SMG7: variants seen among roughly 807,000 people sequenced by gnomAD.
The protein encoded by SMG7 is nonsense-mediated mRNA decay factor SMG7.
Under a neutral mutation model 148.2 loss-of-function variants are expected in SMG7, and 34 were observed. That is an observed-to-expected ratio of 0.23 (90% CI 0.17 to 0.31). The LOEUF (loss-of-function observed/expected upper bound fraction) is 0.31, where lower values mean the gene tolerates loss of function less well. Among genes scored for constraint, SMG7 ranks in the 10% least tolerant of loss-of-function variants. The pLI, the probability that SMG7 is intolerant of heterozygous loss-of-function variation, is 1.00. For synonymous variants in SMG7, 492 were observed against 515.1 expected, an observed-to-expected ratio of 0.96 and a Z score of 0.61; for missense variants, 1,114 against 1,408.4, an observed-to-expected ratio of 0.79 and a Z score of 3.35.
chr1:183,539,416 ATGT>A (rs1281680112), intron 12 of SMG7, among the ~76,000 whole-genome samples: 1 of 152,104 alleles, frequency 6.6e-6, no homozygotes, highest in Admixed American at 6.5e-5. Context: ...ATGCCTCTGA[ATGT>A]TGTTGTTTTC....
Position 183,494,705 on chromosome 1 carries a change from A to G in SMG7, c.30-18132A>G, listed in dbSNP as rs190837543. On this transcript the variant is annotated intron_variant, in intron 1 of 22. Transcript: ENST00000688051. ...CCTAGTATTTTAAAGATGTTATTCT[A>G]TTATCTTCTGGCTTGTCTTTTTTCT... Among the ~76,000 whole-genome samples the G allele has an allele frequency of 1.2e-4, 14 of 118,686 alleles. 1 individual carries two copies. Among genetic ancestry groups the G allele is most frequent in the South Asian group, 5.2e-4 (2 of 3,838 alleles). The allele number at this position is 118,686 out of a possible 152,430, so 77.9% of individuals were successfully genotyped here.
At chr1:183,494,438 A>G (rs1257513373) in intron 1 of SMG7, among the ~76,000 whole-genome samples, 3 of 149,880 alleles carry the variant, frequency 2.0e-5, no homozygotes, top group African/African-American at 7.3e-5. Context: ...AAGTTATTTT[A>G]TATTTACTCA....
In SMG7 at chr1:183,536,048, A is replaced by G. The variant is rs765609181; in HGVS notation, c.1164-1097A>G. Among the ~76,000 whole-genome samples, 8 of 151,994 alleles carry G rather than the reference A, an allele frequency of 5.3e-5. No homozygotes were observed. The South Asian group carries it at 8.3e-4, about 16-fold the overall frequency. On this transcript the variant is annotated intron_variant, in intron 10 of 22. Coordinates refer to ENST00000688051, the MANE Select transcript of SMG7 (RefSeq NM_001375584.1). ...AACTGTCCCAAATAGTTAACTTACAATTTTCCGTAGTGTGATTATTTACGT... is the reference window on the plus strand; with the variant it reads ...AACTGTCCCAAATAGTTAACTTACAGTTTTCCGTAGTGTGATTATTTACGT...
In SMG7 at chr1:183,512,808, C is replaced by CTTTTTTTT. The variant is rs59379855; in HGVS notation, c.30-16_30-9dup. Reference sequence around the variant, plus strand: ...GCCTCGTTTGTTTCTAACTGATACTCTTTTTTTTTTTTTTTTTTTTCTATC... The same window carrying CTTTTTTTT: ...GCCTCGTTTGTTTCTAACTGATACTCTTTTTTTTTTTTTTTTTTTTTTTTTTTTCTATC... On this transcript the variant is annotated intron_variant, in intron 1 of 22. Transcript: ENST00000688051. 1.5e-4 allele frequency: 186 copies of CTTTTTTTT among 1,279,344 alleles called. 14 individuals carry two copies. The highest frequency in any genetic ancestry group is 6.4e-4 in the South Asian group (39 of 61,306). The allele number at this position is 1,279,344 out of a possible 1,614,324, so 79.2% of individuals were successfully genotyped here.
chr1:183,475,154 C>T (rs187474112), intron 1 of SMG7, among the ~76,000 whole-genome samples: 90 of 152,312 alleles, frequency 5.9e-4, no homozygotes, highest in African/African-American at 1.6e-3. Flanking sequence ...TGTCAGTATT[C>T]ATCTGTTCTT....
chr1:183,529,289 T>G, intron 7 of SMG7, 109 bp from the exon 8 acceptor site: 1 of 1,292,790 alleles, frequency 7.7e-7, no homozygotes, highest in Non-Finnish European at 1.1e-6. Context: ...GAAAAATCAG[T>G]CAAATACAGC....
intron 17 of SMG7, among the ~76,000 whole-genome samples, 185 bp from the exon 18 acceptor site, chr1:183,546,918 T>C (rs1471382888): frequency 6.6e-6 from 1 of 152,230 alleles, no homozygotes; most frequent in Non-Finnish European, 1.5e-5. Flanking sequence ...TGTCTTGAAC[T>C]TTCTCCATTA....
At chr1:183,477,548 A>T (rs1195103823) in intron 1 of SMG7, among the ~76,000 whole-genome samples, 1 of 147,338 alleles carries the variant, frequency 6.8e-6, no homozygotes, top group Non-Finnish European at 1.5e-5. Context: ...ATATGCATAT[A>T]TACGTGTGTG....
chr1:183,492,332 A>G (rs1213941652), intron 1 of SMG7, among the ~76,000 whole-genome samples: 1 of 152,206 alleles, frequency 6.6e-6, no homozygotes, highest in Non-Finnish European at 1.5e-5. Flanking sequence ...TATATTGGCT[A>G]TACATGTAAA....
intron 13 of SMG7, 81 bp from the exon 14 acceptor site, chr1:183,541,995 T>A: frequency 8.6e-7 from 1 of 1,167,962 alleles, no homozygotes; most frequent in Non-Finnish European, 1.2e-6. Context: ...TAGGAATATA[T>A]TGACTTGGAT....
intron 18 of SMG7, among the ~76,000 whole-genome samples, chr1:183,548,205 AG>A (rs35394608): frequency 6.6e-6 from 1 of 152,164 alleles, no homozygotes; most frequent in Non-Finnish European, 1.5e-5. Flanking sequence ...TAGTAGCAGT[AG>A]GGGCCCCATA....
intron 1 of SMG7, 178 bp downstream of exon 1, chr1:183,472,827 C>T (rs1651019981): frequency 6.4e-6 from 3 of 470,624 alleles, no homozygotes; most frequent in Non-Finnish European, 6.9e-6. Context: ...GTATGGGTGC[C>T]TAGCCCCTAC....
At chr1:183,542,893 GT>G (rs3835736) in intron 14 of SMG7, among the ~76,000 whole-genome samples, 117 of 139,328 alleles carry the variant, frequency 8.4e-4, no homozygotes, top group African/African-American at 2.5e-3. Flanking sequence ...GGCTTATGCA[GT>G]TTTTTTTTTT....
chr1:183,480,341 CCCTAA>C (rs1653755923), intron 1 of SMG7, among the ~76,000 whole-genome samples: 1 of 152,062 alleles, frequency 6.6e-6, no homozygotes, highest in Admixed American at 6.5e-5. Context: ...TTCAAGTTTG[CCCTAA>C]CCTATGTTTT....
intron 17 of SMG7, among the ~76,000 whole-genome samples, chr1:183,546,644 C>T (rs980505318): frequency 3.3e-5 from 5 of 152,200 alleles, no homozygotes; most frequent in Non-Finnish European, 7.3e-5. Flanking sequence ...TGGGCTGAAT[C>T]ATCTAAGTTT....
intron 14 of SMG7, among the ~76,000 whole-genome samples, chr1:183,543,538 G>GA (rs1235460464): frequency 3.9e-5 from 6 of 151,968 alleles, no homozygotes; most frequent in African/African-American, 1.4e-4. Context: ...TAGAGATAAT[G>GA]AGTCCAGCAT....
At chr1:183,547,897 C>T (rs1438275616) in intron 18 of SMG7, among the ~76,000 whole-genome samples, 1 of 152,106 alleles carries the variant, frequency 6.6e-6, no homozygotes, top group Non-Finnish European at 1.5e-5. Flanking sequence ...CAAAGAACAT[C>T]ATTCTATATG....
intron 13 of SMG7, among the ~76,000 whole-genome samples, chr1:183,541,656 C>T (rs911098686): frequency 5.9e-5 from 9 of 152,206 alleles, no homozygotes; most frequent in African/African-American, 1.9e-4. Context: ...ACTACTTCCT[C>T]ATTTTTGTAT....
chr1:183,542,528 A>C, intron 14 of SMG7, 26 bp downstream of exon 14: 1 of 1,570,274 alleles, frequency 6.4e-7, no homozygotes, highest in Non-Finnish European at 8.6e-7. Context: ...ACTATAAAGC[A>C]GGTAGAGGAA....
Sources: allele counts gnomAD v4.1 joint callset (sites outside exome capture counted in the v4.1 genomes callset), GRCh38; gene constraint gnomAD v4.1.1; transcripts MANE v1.5; gene names NCBI Gene and HGNC (gene_info 2026-07-23, HGNC 2026-07-21).